The following TUSC3 variants were observed in gnomAD, a reference collection of about 807,000 sequenced individuals.
TUSC3 encodes the protein dolichyl-diphosphooligosaccharide--protein glycosyltransferase subunit TUSC3.
TUSC3 carries 45 observed loss-of-function variants against 44.8 expected under a neutral mutation model. That is an observed-to-expected ratio of 1.00 (90% CI 0.79 to 1.29). TUSC3 has a LOEUF of 1.29. Ranked by LOEUF, TUSC3 falls within the 50% of genes most tolerant of loss-of-function variation. TUSC3 has a pLI of 0.00. For missense variants in TUSC3, 519 were observed against 437.9 expected (o/e 1.19, Z -1.65); for synonymous variants, 212 against 152.9 (o/e 1.39, Z -2.85).
chr8:15,671,646 T>C (rs549598624), intron 5 of TUSC3, among the ~76,000 whole-genome samples: 34 of 152,060 alleles, frequency 2.2e-4, no homozygotes, highest in Non-Finnish European at 4.6e-4. Flanking sequence ...TGTATTAAGA[T>C]GATTTTTTAA....
At chr8:15,831,783 G>A in the TUSC3 span, among the ~76,000 whole-genome samples, 1 of 152,140 alleles carries the variant, frequency 6.6e-6, no homozygotes. Flanking sequence ...TACAAGAAAT[G>A]TGGAATTATG....
At chr8:15,759,116 G>T (rs574533978) in intron 10 of TUSC3, among the ~76,000 whole-genome samples, 2 of 152,260 alleles carry the variant, frequency 1.3e-5, no homozygotes, top group Admixed American at 1.3e-4. Flanking sequence ...GACTCAGTGA[G>T]TTACACTACC....
intron 6 of TUSC3, among the ~76,000 whole-genome samples, chr8:15,710,748 C>A (rs1295305651): frequency 4.0e-5 from 6 of 150,702 alleles, no homozygotes; most frequent in African/African-American, 1.5e-4. Flanking sequence ...ATGCACAAAT[C>A]ATAAATGTGC....
At chr8:15,789,699 G>A in the TUSC3 span, among the ~76,000 whole-genome samples, 2 of 152,248 alleles carry the variant, frequency 1.3e-5, no homozygotes, top group East Asian at 1.9e-4. Flanking sequence ...CTTAAAAGAT[G>A]TATGAAACAT....
chr8:15,562,733 C>A (rs1802524016), intron 1 of TUSC3, among the ~76,000 whole-genome samples: 1 of 152,106 alleles, frequency 6.6e-6, no homozygotes, highest in Non-Finnish European at 1.5e-5. Flanking sequence ...TTCTTTGCTG[C>A]CAACCCCAGG....
At chr8:15,831,973 G>T in the TUSC3 span, among the ~76,000 whole-genome samples, 1 of 152,070 alleles carries the variant, frequency 6.6e-6, no homozygotes, top group African/African-American at 2.4e-5. Flanking sequence ...AGAAGATTAT[G>T]CCCAAGACAC....
chr8:15,826,051 G>T, the TUSC3 span, among the ~76,000 whole-genome samples: 1 of 152,104 alleles, frequency 6.6e-6, no homozygotes, highest in Non-Finnish European at 1.5e-5. Context: ...CATTTTCCAT[G>T]TTACTTTGTA....
At chr8:15,779,781 C>G in the TUSC3 span, among the ~76,000 whole-genome samples, 1 of 152,092 alleles carries the variant, frequency 6.6e-6, no homozygotes, top group Non-Finnish European at 1.5e-5. Context: ...AATCCAGATT[C>G]CTAGAGGAAA....
rs1243483573 is a variant in TUSC3, at chr8:15,662,245, G to C, written c.657G>C (p.Arg219Ser). 1 of 1,612,962 alleles carries C rather than the reference G, an allele frequency of 6.2e-7. No homozygotes were observed. The highest frequency in any genetic ancestry group is 8.5e-7 in the Non-Finnish European group (1 of 1,179,338). ...SLVGGLLYLR[R>S]NNLEFIYNKT... ...TTGGAGGTTTGCTTTATTTGAGAAG[G>C]AACAACTTGGAGTTCATCTATAACA... The change falls in exon 5 of 11, where the codon AGG becomes AGC. Residue 219 changes from arginine to serine, a missense_variant. By Grantham distance (110) the Arg-to-Ser change is moderately radical (BLOSUM62 -1). Transcript: ENST00000503731.
chr8:15,734,524 C>T (rs531899808), intron 7 of TUSC3, among the ~76,000 whole-genome samples: 2 of 152,174 alleles, frequency 1.3e-5, no homozygotes, highest in Non-Finnish European at 2.9e-5. Context: ...TATATTTTTG[C>T]AAGTAAAAAT....
chr8:15,791,850 C>G, the TUSC3 span, among the ~76,000 whole-genome samples: 1 of 152,180 alleles, frequency 6.6e-6, no homozygotes, highest in Non-Finnish European at 1.5e-5. Context: ...AGCTCATCAA[C>G]TGGGCTTCAA....
the TUSC3 span, among the ~76,000 whole-genome samples, chr8:15,805,563 C>A: frequency 2.6e-5 from 4 of 151,964 alleles, no homozygotes; most frequent in African/African-American, 7.3e-5. Flanking sequence ...TATTAAGAGC[C>A]TTTTCTATGC....
At chr8:15,790,306 CT>C in the TUSC3 span, among the ~76,000 whole-genome samples, 1 of 151,162 alleles carries the variant, frequency 6.6e-6, no homozygotes, top group Non-Finnish European at 1.5e-5. Flanking sequence ...CTGCCTCAGC[CT>C]CCCAAGTAGC....
At chr8:15,453,450 A>T (rs1800218766) in intron 1 of TUSC3, among the ~76,000 whole-genome samples, 1 of 152,226 alleles carries the variant, frequency 6.6e-6, no homozygotes, top group African/African-American at 2.4e-5. Context: ...TCTTTAAATA[A>T]AAAACGGTGA....
the TUSC3 span, among the ~76,000 whole-genome samples, chr8:15,814,134 A>G: frequency 6.6e-6 from 1 of 152,238 alleles, no homozygotes; most frequent in African/African-American, 2.4e-5. Context: ...ATAGTCTCAC[A>G]TAGCATCAGC....
chr8:15,418,892 G>C (rs1799691826), intron 1 of TUSC3, among the ~76,000 whole-genome samples: 1 of 152,122 alleles, frequency 6.6e-6, no homozygotes, highest in Admixed American at 6.5e-5. Context: ...TGTAGTCCTA[G>C]CTACTTCAGA....
intron 6 of TUSC3, among the ~76,000 whole-genome samples, chr8:15,679,897 A>G (rs982823651): frequency 1.3e-5 from 2 of 151,918 alleles, no homozygotes; most frequent in African/African-American, 4.8e-5. Flanking sequence ...GTGGTTGTAG[A>G]TGTGTAACTT....
chr8:15,603,001 G>T (rs1276112565), intron 1 of TUSC3, among the ~76,000 whole-genome samples: 4 of 151,522 alleles, frequency 2.6e-5, no homozygotes, highest in Non-Finnish European at 5.9e-5. Flanking sequence ...AGAAGTACAA[G>T]TTATAAATAA....
the TUSC3 span, among the ~76,000 whole-genome samples, chr8:15,816,225 A>T: frequency 2.0e-5 from 3 of 152,146 alleles, no homozygotes; most frequent in Admixed American, 6.5e-5. Context: ...TTATCTCAAG[A>T]GATTTAGATA....
Sources: allele counts gnomAD v4.1 joint callset (sites outside exome capture counted in the v4.1 genomes callset), GRCh38; gene constraint gnomAD v4.1.1; transcripts MANE v1.5; gene names NCBI Gene and HGNC (gene_info 2026-07-23, HGNC 2026-07-21).